Variants in TMEM223 observed in about 807,000 individuals in gnomAD.
The protein encoded by TMEM223 is transmembrane protein 223.
TMEM223 carries 14 observed loss-of-function variants against 14.1 expected under a neutral mutation model. That is an observed-to-expected ratio of 0.99 (90% CI 0.66 to 1.55). TMEM223 has a LOEUF of 1.55. TMEM223 is among the 40% of genes most tolerant of loss of function. The pLI is 0.00. For synonymous variants in TMEM223, 145 were observed against 120.5 expected (o/e 1.20, Z -1.33); for missense variants, 346 against 269.9 (o/e 1.28, Z -1.97).
chr11:62,784,962 TTTC>T (rs1484571958), downstream of TMEM223, among the ~76,000 whole-genome samples: 1 of 152,162 alleles, frequency 6.6e-6, no homozygotes, highest in Non-Finnish European at 1.5e-5. Flanking sequence ...GTGGGGAGTA[TTTC>T]TTTTTTATAT....
downstream of TMEM223, chr11:62,782,829 A>G (rs2084240481): frequency 6.2e-7 from 1 of 1,613,962 alleles, no homozygotes; most frequent in African/African-American, 1.3e-5. Flanking sequence ...CTGGAAGGTG[A>G]GCACCCTGGC....
Position 62,791,966 on chromosome 11 carries a change from G to A in TMEM223, c.29C>T (p.Thr10Met), listed in dbSNP as rs200223907. The A allele has an allele frequency of 3.3e-3, 5,240 of 1,565,214 alleles. 16 individuals carry two copies. The highest frequency in any genetic ancestry group is 4.2e-3 in the Non-Finnish European group (4,823 of 1,153,528). The change falls in exon 1 of 2, where the codon ACG (threonine) becomes ATG (methionine). Residue 10 changes from threonine to methionine, a missense_variant. Physicochemically the swap from Thr to Met is moderately conservative, Grantham distance 81. Transcript: ENST00000307366. MAAPWRRWP[T>M]GLLAVLRPLL... The stretch of plus-strand genomic sequence containing the variant: ...GGGCCGCAGCACGGCTAGCAGCCCC[G>A]TGGGCCATCGCCTCCAAGGCGCCGC...
At chr11:62,787,511 C>G (rs1248126688), downstream of TMEM223, 1 of 1,575,932 alleles carries the variant, frequency 6.3e-7, no homozygotes, top group South Asian at 1.1e-5. Flanking sequence ...GCGGCCGCGG[C>G]GATGACTCGG....
rs756318183 is a variant in TMEM223 at position 62,782,365 on chromosome 11, T to C, written c.315-7700A>G. On this transcript the variant is annotated intron_variant, in intron 1 of 2. Coordinates refer to the TMEM223 transcript ENST00000528367. ...ACTGGGCCTAAACCTGCGGGTGGGA[T>C]TGCTGCAGAGCCAAGTGGGTTGGGG... 35 of 1,603,810 alleles carry C rather than the reference T, an allele frequency of 2.2e-5. No individual in the cohort carries two copies. The South Asian group carries it at 3.5e-4, about 16-fold the overall frequency.
At chr11:62,789,254 C>T, downstream of TMEM223, 1 of 1,613,964 alleles carries the variant, frequency 6.2e-7, no homozygotes. Context: ...GTAGGATGAG[C>T]CTCACCTCCA....
chr11:62,778,283 A>C (rs774581047), intron 1 of TMEM223: 4 of 1,614,184 alleles, frequency 2.5e-6, no homozygotes, highest in Non-Finnish European at 2.5e-6. Context: ...CACTGCTTCT[A>C]GTTCATGTCT....
At position 62,791,685 on chromosome 11, in the gene TMEM223, C is replaced by T; in HGVS notation, c.310G>A (p.Ala104Thr). ...WRYGLAVGCG[A>T]IGALVLGAGL... is the part of the protein sequence containing the mutation. ...AAGCCAGCCCACGTCTTACCGATGGCGCCGCAGCCGACGGCCAGACCGTAG... is the reference window on the plus strand; with the variant it reads ...AAGCCAGCCCACGTCTTACCGATGGTGCCGCAGCCGACGGCCAGACCGTAG... The change falls in exon 1 of 2, where the codon GCC (alanine) becomes ACC (threonine). Residue 104 changes from alanine to threonine, a missense_variant. Transcript: ENST00000307366. 3 of 1,532,232 alleles carry T rather than the reference C, an allele frequency of 2.0e-6. No individual in the cohort carries two copies. Among genetic ancestry groups the T allele is most frequent in the East Asian group, 2.5e-5 (1 of 40,782 alleles). The allele number at this position is 1,532,232 out of a possible 1,614,324, so 94.9% of individuals were successfully genotyped here. A position where few individuals can be genotyped will look rare whatever the true frequency, so the allele number is the denominator to read the frequency against.
At chr11:62,785,472 G>T (rs947119224), downstream of TMEM223, among the ~76,000 whole-genome samples, 1 of 151,708 alleles carries the variant, frequency 6.6e-6, no homozygotes, top group Non-Finnish European at 1.5e-5. Flanking sequence ...GATTACAGGC[G>T]TGAGCCACAG....
chr11:62,789,213 G>GCCC (rs2084328704), downstream of TMEM223: 1 of 1,613,962 alleles, frequency 6.2e-7, no homozygotes, highest in Non-Finnish European at 8.5e-7. Flanking sequence ...TCCCACAGGT[G>GCCC]ACTGCCTAAC....
downstream of TMEM223, chr11:62,787,820 T>G (rs567004698): frequency 2.3e-4 from 155 of 667,910 alleles, 1 homozygote; most frequent in African/African-American, 2.4e-3. Flanking sequence ...TTACTGTGGT[T>G]CCGAAACAGA....
At chr11:62,772,123 A>G (rs574982456) in exon 3 of TMEM223, 10 of 456,220 alleles carry the variant, frequency 2.2e-5, no homozygotes, top group Admixed American at 9.4e-5. Context: ...CTGAGGTTTG[A>G]TTTCCTTGCC....
rs772122772 is a variant in TMEM223, at chr11:62,790,278, G to A, written c.*345C>T. The A allele has an allele frequency of 1.4e-5, 8 of 567,418 alleles. No individual in the cohort carries two copies. The highest frequency in any genetic ancestry group is 2.4e-5 in the Non-Finnish European group (8 of 332,680). 35.1% of individuals were successfully genotyped at this position (567,418 alleles called of 1,614,324 possible). A position where few individuals can be genotyped will look rare whatever the true frequency, so the allele number is the denominator to read the frequency against. On this transcript the variant is annotated 3_prime_UTR_variant, in exon 2 of 2. Transcript: ENST00000307366. Reference sequence around the variant, plus strand: ...AGTTTTTGATGTTAAAGTACAACTAGATAGGAGGAAGGAGTGAAGGCTAAG... The same window carrying A: ...AGTTTTTGATGTTAAAGTACAACTAAATAGGAGGAAGGAGTGAAGGCTAAG...
In TMEM223 at chr11:62,790,655, CAA is replaced by C. The variant is rs866327935; in HGVS notation, c.575_576del (p.Phe192Ter). On this transcript the variant is annotated frameshift_variant, in exon 2 of 2. Transcript: ENST00000307366. LOFTEE classifies it high-confidence loss of function. The part of the protein sequence containing the change: ...KTGHFPNTKL[F>X]DNTVGAYRSL ...CTCCGGTAGGCACCCACAGTATTGT[CAA>C]AGAGTTTTGTGTTAGGGAAGTGTCC... 3.1e-6 allele frequency: 5 copies of C among 1,611,878 alleles called. No individual in the cohort carries two copies. The highest frequency in any genetic ancestry group is 1.7e-5 in the Admixed American group (1 of 59,662).
At position 62,778,355 on chromosome 11, in the gene TMEM223, A is replaced by G; in HGVS notation, c.315-3690T>C. On this transcript the variant is annotated intron_variant, in intron 1 of 2. Transcript: ENST00000528367. ...GATCGGGTAAGGGGTGATGTAGGAA[A>G]CAGGCTCTTTGGATGAATTTTCTCC... The G allele has an allele frequency of 2.5e-6, 4 of 1,614,088 alleles. No homozygotes were observed. The South Asian group carries it at 3.3e-5, about 13-fold the overall frequency.
intron 1 of TMEM223, chr11:62,782,459 C>T (rs1335049961): frequency 3.6e-6 from 4 of 1,119,932 alleles, no homozygotes; most frequent in African/African-American, 3.1e-5. Flanking sequence ...TCCCTAGGAG[C>T]GTCCTAGCTG....
At chr11:62,790,948 T>G (rs1465202222) in intron 1 of TMEM223, 33 bp from the exon 2 acceptor site, 1 of 1,503,854 alleles carries the variant, frequency 6.6e-7, no homozygotes, top group East Asian at 2.4e-5. Context: ...GGTGAGGGGT[T>G]TTCACTGGGC....
intron 1 of TMEM223, among the ~76,000 whole-genome samples, chr11:62,775,452 G>A (rs1338312710): frequency 6.6e-6 from 1 of 152,210 alleles, no homozygotes; most frequent in African/African-American, 2.4e-5. Flanking sequence ...GAATTATTGT[G>A]CCTGTTTTAC....
chr11:62,789,698 A>G, downstream of TMEM223: 2 of 1,531,644 alleles, frequency 1.3e-6, no homozygotes. Flanking sequence ...CAAGGATAGG[A>G]GGAAAAACTG....
At chr11:62,787,698 G>A, downstream of TMEM223, 1 of 827,208 alleles carries the variant, frequency 1.2e-6, no homozygotes, top group Non-Finnish European at 1.8e-6. Flanking sequence ...CGCGCTTTGT[G>A]GCTCCTCCTG....
Sources: allele counts gnomAD v4.1 joint callset (sites outside exome capture counted in the v4.1 genomes callset), GRCh38; gene constraint gnomAD v4.1.1; transcripts MANE v1.5; gene names NCBI Gene and HGNC (gene_info 2026-07-23, HGNC 2026-07-21).